The following GALNT13 variants were observed in gnomAD, a reference collection of about 807,000 sequenced individuals.
The protein encoded by GALNT13 is polypeptide N-acetylgalactosaminyltransferase 13, also known as UDP-GalNAc:polypeptide N-acetylgalactosaminyltransferase 13.
In GALNT13, 28 loss-of-function variants were observed where a neutral mutation model predicts 64.2. The ratio of observed to expected loss-of-function variants is 0.44; its 90% CI spans 0.32 to 0.60. The LOEUF is 0.60. GALNT13 is among the 20% of genes least tolerant of loss of function. The probability of loss-of-function intolerance (pLI) is 0.05; values close to 1 mark genes in which losing one functional copy is unlikely to be tolerated. For synonymous variants in GALNT13, 214 were observed against 224.6 expected (o/e 0.95, Z 0.42); for missense variants, 577 against 669.8 (o/e 0.86, Z 1.53).
intron 3 of GALNT13, among the ~76,000 whole-genome samples, chr2:154,063,179 T>C (rs1054988285): frequency 1.3e-5 from 2 of 152,176 alleles, no homozygotes; most frequent in South Asian, 4.1e-4. Context: ...CCCTTATATA[T>C]ATCACATTCT....
At chr2:154,367,687 A>G (rs376027313) in intron 9 of GALNT13, among the ~76,000 whole-genome samples, 1 of 152,222 alleles carries the variant, frequency 6.6e-6, no homozygotes, top group Admixed American at 6.5e-5. Flanking sequence ...GCCTGACTAT[A>G]AAAAGATCTA....
the GALNT13 span, chr2:153,593,268 C>CGGTTTGCG: frequency 6.6e-6 from 1 of 152,308 alleles, no homozygotes; most frequent in Non-Finnish European, 1.5e-5. Flanking sequence ...CTTCGGTTTG[C>CGGTTTGCG]GGTTTGCGTG....
chr2:153,543,819 C>A, the GALNT13 span, among the ~76,000 whole-genome samples: 2 of 152,198 alleles, frequency 1.3e-5, no homozygotes, highest in Non-Finnish European at 2.9e-5. Flanking sequence ...TTACTGATAA[C>A]AGTACTCACA....
intron 9 of GALNT13, among the ~76,000 whole-genome samples, chr2:154,342,825 C>T (rs200055001): frequency 1.0e-4 from 15 of 146,774 alleles, no homozygotes; most frequent in African/African-American, 2.5e-4. Context: ...TAAGAGTGTG[C>T]GTGTGTGTGT....
the GALNT13 span, among the ~76,000 whole-genome samples, chr2:153,205,912 C>A: frequency 6.6e-6 from 1 of 151,970 alleles, no homozygotes; most frequent in East Asian, 1.9e-4. Context: ...TTCTTAGTTT[C>A]TAAAATATTT....
chr2:153,116,886 G>C, the GALNT13 span, among the ~76,000 whole-genome samples: 3 of 136,096 alleles, frequency 2.2e-5, no homozygotes, highest in African/African-American at 5.5e-5. Flanking sequence ...TGCAAGCTCT[G>C]CCTCCTGGGT....
chr2:153,716,274 G>A, the GALNT13 span, among the ~76,000 whole-genome samples: 2 of 152,298 alleles, frequency 1.3e-5, no homozygotes, highest in East Asian at 3.9e-4. Context: ...CTGGCCACAC[G>A]TGGCCCAGGA....
the GALNT13 span, among the ~76,000 whole-genome samples, chr2:153,497,459 G>C: frequency 3.0e-5 from 4 of 131,948 alleles, no homozygotes; most frequent in Non-Finnish European, 4.7e-5. Context: ...CCATAACTAT[G>C]TATTGGATTT....
chr2:153,764,172 G>T, the GALNT13 span, among the ~76,000 whole-genome samples: 1 of 152,176 alleles, frequency 6.6e-6, no homozygotes, highest in Non-Finnish European at 1.5e-5. Flanking sequence ...CTACAAGTCT[G>T]TGGGACTTTG....
chr2:153,705,245 G>A, the GALNT13 span, among the ~76,000 whole-genome samples: 8 of 151,940 alleles, frequency 5.3e-5, no homozygotes, highest in African/African-American at 1.9e-4. Flanking sequence ...TGAGTAAGTC[G>A]CTTTCCTCAG....
At chr2:153,182,113 A>G in the GALNT13 span, among the ~76,000 whole-genome samples, 102,243 of 150,606 alleles carry the variant, frequency 0.68, 34,817 homozygotes, top group East Asian at 0.84. Context: ...GCATGATTTC[A>G]GCTCACTGCA....
In GALNT13 at chr2:154,105,318, C is replaced by T. The variant is rs1702555937; in HGVS notation, c.143-35019C>T. Among the ~76,000 whole-genome samples, 2 of 152,228 alleles carry T rather than the reference C, an allele frequency of 1.3e-5. 1 individual carries two copies. The highest frequency in any genetic ancestry group is 4.1e-4 in the South Asian group (2 of 4,826). Reference sequence around the variant, plus strand: ...AAAATAGTCATGTACCACATAAGGACATTTCAGTCAAGAATGGGCTGATTA... The same window carrying T: ...AAAATAGTCATGTACCACATAAGGATATTTCAGTCAAGAATGGGCTGATTA... On this transcript the variant is annotated intron_variant, in intron 3 of 12. Coordinates refer to ENST00000392825, the MANE Select transcript of GALNT13 (RefSeq NM_052917.4).
At chr2:153,991,164 T>A (rs775580741) in intron 3 of GALNT13, among the ~76,000 whole-genome samples, 1 of 152,144 alleles carries the variant, frequency 6.6e-6, no homozygotes, top group Non-Finnish European at 1.5e-5. Flanking sequence ...AATTGAAGCC[T>A]AACTGGGAGA....
intron 8 of GALNT13, among the ~76,000 whole-genome samples, chr2:154,297,279 C>A (rs557067757): frequency 1.4e-3 from 210 of 152,226 alleles, no homozygotes; most frequent in African/African-American, 4.7e-3. Context: ...AATTAAGAGT[C>A]TGTTGAATTG....
the GALNT13 span, among the ~76,000 whole-genome samples, chr2:153,636,925 C>A: frequency 6.6e-6 from 1 of 151,964 alleles, no homozygotes; most frequent in African/African-American, 2.4e-5. Flanking sequence ...TAAAATGATC[C>A]TGTGAAGAGG....
the GALNT13 span, among the ~76,000 whole-genome samples, chr2:153,447,708 G>T: frequency 2.0e-5 from 3 of 152,090 alleles, no homozygotes; most frequent in Non-Finnish European, 4.4e-5. Context: ...CAAAAAGTTA[G>T]ATTGTTTCTA....
chr2:154,149,133 G>A (rs1683811676), intron 4 of GALNT13, among the ~76,000 whole-genome samples: 1 of 152,146 alleles, frequency 6.6e-6, no homozygotes, highest in Non-Finnish European at 1.5e-5. Flanking sequence ...TCCAGTTTCA[G>A]CTTTCTACAT....
the GALNT13 span, among the ~76,000 whole-genome samples, chr2:153,647,414 T>C: frequency 1.3e-5 from 2 of 152,166 alleles, no homozygotes; most frequent in African/African-American, 4.8e-5. Flanking sequence ...ATTCTGTAGG[T>C]TGTCTGTTCA....
At chr2:153,173,846 G>A in the GALNT13 span, among the ~76,000 whole-genome samples, 3 of 152,084 alleles carry the variant, frequency 2.0e-5, no homozygotes, top group Non-Finnish European at 4.4e-5. Flanking sequence ...TATTTATCCT[G>A]AGGAAAAACT....
Sources: gnomAD v4.1 joint callset for allele counts (sites outside exome capture counted in the v4.1 genomes callset) on GRCh38, gnomAD v4.1.1 for gene constraint, MANE v1.5 for transcripts, NCBI Gene and HGNC (gene_info 2026-07-23, HGNC 2026-07-21) for gene names.